PLPPR1: variants seen among roughly 807,000 people sequenced by gnomAD.
PLPPR1 encodes phospholipid phosphatase-related protein type 1.
PLPPR1 carries 10 observed loss-of-function variants against 33.1 expected under a neutral mutation model. The observed-to-expected ratio is 0.30, with a 90% confidence interval of 0.19 to 0.51. The LOEUF (loss-of-function observed/expected upper bound fraction) is 0.51, where lower values mean the gene tolerates loss of function less well. Among genes scored for constraint, PLPPR1 ranks in the 20% least tolerant of loss-of-function variants. The pLI is 0.97. For synonymous variants in PLPPR1, 151 were observed against 151.0 expected (o/e 1.00, Z 0.00); for missense variants, 304 against 408.1 (o/e 0.74, Z 2.20).
At chr9:101,282,649 C>T (rs75410890) in intron 3 of PLPPR1, among the ~76,000 whole-genome samples, 12,252 of 152,180 alleles carry the variant, frequency 0.081, 953 homozygotes, top group African/African-American at 0.21. Context: ...ATCCTGTATA[C>T]AGAAAACCCT....
At chr9:101,099,298 G>A (rs754099174) in intron 1 of PLPPR1, among the ~76,000 whole-genome samples, 5 of 152,084 alleles carry the variant, frequency 3.3e-5, no homozygotes, top group South Asian at 2.1e-4. Context: ...GTTTGTCTGC[G>A]TCTGTTTCCC....
chr9:101,132,586 C>A (rs1453331532), intron 1 of PLPPR1, among the ~76,000 whole-genome samples: 1 of 152,092 alleles, frequency 6.6e-6, no homozygotes, highest in Non-Finnish European at 1.5e-5. Flanking sequence ...ATGATGGATA[C>A]ATGTTATTAC....
intron 1 of PLPPR1, among the ~76,000 whole-genome samples, chr9:101,125,079 CT>C: frequency 6.6e-6 from 1 of 152,354 alleles, no homozygotes; most frequent in Non-Finnish European, 1.5e-5. Context: ...CTGCAAATCT[CT>C]GCTAGTCTTT....
intron 1 of PLPPR1, among the ~76,000 whole-genome samples, chr9:101,111,677 T>G (rs1464544619): frequency 6.6e-6 from 1 of 152,208 alleles, no homozygotes; most frequent in Non-Finnish European, 1.5e-5. Context: ...GTCAGTTACT[T>G]TGTGAAAATT....
At chr9:101,045,551 G>T (rs1830133581) in intron 1 of PLPPR1, among the ~76,000 whole-genome samples, 1 of 152,198 alleles carries the variant, frequency 6.6e-6, no homozygotes, top group Non-Finnish European at 1.5e-5. Flanking sequence ...CACTGGATTA[G>T]AGATCTGAAA....
At chr9:101,288,123 A>G (rs57133720) in intron 4 of PLPPR1, among the ~76,000 whole-genome samples, 4 of 152,328 alleles carry the variant, frequency 2.6e-5, no homozygotes, top group African/African-American at 9.6e-5. Context: ...TGTCATTTAT[A>G]TAGACCTTTA....
At chr9:101,240,085 G>A (rs966417798) in intron 2 of PLPPR1, among the ~76,000 whole-genome samples, 1 of 151,996 alleles carries the variant, frequency 6.6e-6, no homozygotes, top group Non-Finnish European at 1.5e-5. Context: ...ATGAGAAATA[G>A]GGGTATAGTT....
intron 6 of PLPPR1, among the ~76,000 whole-genome samples, chr9:101,314,180 A>G (rs1052065876): frequency 6.6e-6 from 1 of 152,212 alleles, no homozygotes; most frequent in African/African-American, 2.4e-5. Context: ...AAGCCATCAC[A>G]GTCTTGTAGG....
intron 2 of PLPPR1, among the ~76,000 whole-genome samples, chr9:101,205,391 A>G (rs1213977452): frequency 6.6e-6 from 1 of 152,104 alleles, no homozygotes; most frequent in Non-Finnish European, 1.5e-5. Context: ...TTTTTGAAAA[A>G]TCTCTTCACC....
At chr9:101,071,988 C>T (rs1316659596) in intron 1 of PLPPR1, among the ~76,000 whole-genome samples, 1 of 152,046 alleles carries the variant, frequency 6.6e-6, no homozygotes, top group African/African-American at 2.4e-5. Flanking sequence ...ATCTATGAAT[C>T]ATTTTTGAAT....
rs35906894 is a variant in PLPPR1, at chr9:101,116,807, C to CA, written c.-45-68627dup. ...CTGGTGACAGAGTAGGACTCCATCT[C>CA]AAAAAAAAAAAAAAAAGTAAAAAAA... On this transcript the variant is annotated intron_variant, in intron 1 of 7. Transcript: ENST00000374874. Among the ~76,000 whole-genome samples the CA allele has an allele frequency of 6.2e-3, 738 of 118,290 alleles. 11 individuals are homozygous for CA. The highest frequency in any genetic ancestry group is 0.059 in the East Asian group (222 of 3,762). The allele number at this position is 118,290 out of a possible 152,430, so 77.6% of individuals were successfully genotyped here. A position where few individuals can be genotyped will look rare whatever the true frequency, so the allele number is the denominator to read the frequency against.
intron 1 of PLPPR1, among the ~76,000 whole-genome samples, chr9:101,130,122 C>G (rs1253686460): frequency 6.6e-6 from 1 of 152,036 alleles, no homozygotes; most frequent in Non-Finnish European, 1.5e-5. Flanking sequence ...ATACATATGT[C>G]AAATGTCATC....
At chr9:101,181,726 G>GGTGT (rs1197315609) in intron 1 of PLPPR1, among the ~76,000 whole-genome samples, 1 of 65,544 alleles carries the variant, frequency 1.5e-5, no homozygotes, top group Non-Finnish European at 2.8e-5. Context: ...ACTATTTGGG[G>GGTGT]GTGTGTGTGT....
intron 1 of PLPPR1, among the ~76,000 whole-genome samples, chr9:101,164,830 C>A (rs1272120873): frequency 6.6e-6 from 1 of 152,092 alleles, no homozygotes; most frequent in African/African-American, 2.4e-5. Context: ...GCACAAGAAC[C>A]AGGTGAACCA....
At chr9:101,033,178 A>G (rs1829966885) in intron 1 of PLPPR1, among the ~76,000 whole-genome samples, 1 of 152,196 alleles carries the variant, frequency 6.6e-6, no homozygotes. Flanking sequence ...TTTCAATCTG[A>G]AAATGCCATT....
intron 2 of PLPPR1, among the ~76,000 whole-genome samples, chr9:101,231,348 A>G (rs1300676335): frequency 7.0e-6 from 1 of 143,170 alleles, no homozygotes; most frequent in Non-Finnish European, 1.5e-5. Flanking sequence ...TCCTGGCTAT[A>G]AATGAGATCG....
intron 1 of PLPPR1, among the ~76,000 whole-genome samples, chr9:101,072,153 C>T (rs942197801): frequency 2.0e-5 from 3 of 152,070 alleles, no homozygotes; most frequent in African/African-American, 7.2e-5. Context: ...TACAGTCTAG[C>T]GTCAATACTG....
chr9:101,254,104 C>T (rs1827758274), intron 2 of PLPPR1, among the ~76,000 whole-genome samples: 1 of 151,888 alleles, frequency 6.6e-6, no homozygotes, highest in Non-Finnish European at 1.5e-5. Flanking sequence ...TTCCATGGAC[C>T]AGGGGATAGG....
intron 2 of PLPPR1, among the ~76,000 whole-genome samples, chr9:101,242,932 A>G (rs1057102529): frequency 2.6e-5 from 4 of 152,086 alleles, no homozygotes; most frequent in African/African-American, 9.7e-5. Flanking sequence ...ATAAGGCTCT[A>G]AGTGAACACA....
Sources: gnomAD v4.1 joint callset for allele counts (sites outside exome capture counted in the v4.1 genomes callset) on GRCh38, gnomAD v4.1.1 for gene constraint, MANE v1.5 for transcripts, NCBI Gene and HGNC (gene_info 2026-07-23, HGNC 2026-07-21) for gene names.